RALGAPB: variants seen among roughly 807,000 people sequenced by gnomAD.
RALGAPB encodes the protein ral GTPase-activating protein subunit beta.
Under a neutral mutation model 161.1 loss-of-function variants are expected in RALGAPB, and 25 were observed. The ratio of observed to expected loss-of-function variants is 0.16; its 90% CI spans 0.11 to 0.22. The LOEUF (loss-of-function observed/expected upper bound fraction) is 0.22. Among genes scored for constraint, RALGAPB ranks in the 10% least tolerant of loss-of-function variants. The pLI, the probability that RALGAPB is intolerant of heterozygous loss-of-function variation, is 1.00. For synonymous variants in RALGAPB, 629 were observed against 626.1 expected (o/e 1.00, Z -0.07); for missense variants, 1,391 against 1,815.2 (o/e 0.77, Z 4.25).
At chr20:38,539,528 T>G (rs1249852625) in intron 16 of RALGAPB, among the ~76,000 whole-genome samples, 1 of 152,168 alleles carries the variant, frequency 6.6e-6, no homozygotes, top group East Asian at 1.9e-4. Context: ...CCCAATGGGT[T>G]TGGGTTTTAG....
intron 6 of RALGAPB, among the ~76,000 whole-genome samples, chr20:38,510,115 AACACACACACGCACATACACACAC>A (rs1424385845): frequency 7.2e-6 from 1 of 139,524 alleles, no homozygotes; most frequent in Non-Finnish European, 1.5e-5. Context: ...TATGTATATA[AACACACACACGCACATACACACAC>A]ACACACACAC....
At chr20:38,473,692 C>A (rs530780559) in intron 1 of RALGAPB, among the ~76,000 whole-genome samples, 3 of 152,266 alleles carry the variant, frequency 2.0e-5, no homozygotes, top group African/African-American at 7.2e-5. Context: ...AGCATCCGAC[C>A]CAAGTGCTTA....
At chr20:38,493,784 T>C (rs547952234) in intron 3 of RALGAPB, among the ~76,000 whole-genome samples, 1 of 152,320 alleles carries the variant, frequency 6.6e-6, no homozygotes. Context: ...AAAATCTGAA[T>C]TAAAAAAGAG....
chr20:38,525,970 T>C lies in RALGAPB; in HGVS notation c.1978T>C (p.Leu660=). 6.2e-7 allele frequency: 1 copy of C among 1,613,860 alleles called. No individual in the cohort carries two copies. Among genetic ancestry groups the C allele is most frequent in the East Asian group, 2.2e-5 (1 of 44,872 alleles). The change falls in exon 13 of 30, where the codon TTG becomes CTG. Residue 660 remains leucine (L), a synonymous_variant. Transcript: ENST00000262879. ...ACCAATAACTTTTCTGTCCCTGAAG[T>C]TGAGACTTGTGAATATATTAATAGG... The part of the protein sequence containing the change: ...DKPITFLSLK[L]RLVNILIGAL...
chr20:38,498,709 T>C (rs1333125276), intron 4 of RALGAPB, among the ~76,000 whole-genome samples: 1 of 152,232 alleles, frequency 6.6e-6, no homozygotes, highest in African/African-American at 2.4e-5. Context: ...CTTTGCCTTC[T>C]GGAGCTATGC....
chr20:38,510,236 G>A (rs982158054), intron 6 of RALGAPB, among the ~76,000 whole-genome samples: 6 of 151,862 alleles, frequency 4.0e-5, no homozygotes, highest in African/African-American at 1.5e-4. Context: ...CAAACTCCTG[G>A]ACTTAAGCAA....
chr20:38,531,973 C>T (rs1021868604), intron 14 of RALGAPB, among the ~76,000 whole-genome samples: 12 of 152,098 alleles, frequency 7.9e-5, no homozygotes, highest in African/African-American at 2.9e-4. Flanking sequence ...AAAACTAACC[C>T]TAGTATTGTT....
At chr20:38,500,978 C>A (rs1359718564) in intron 5 of RALGAPB, among the ~76,000 whole-genome samples, 2 of 152,048 alleles carry the variant, frequency 1.3e-5, no homozygotes. Flanking sequence ...TAGGAAGAGG[C>A]CGAGGTTGGT....
intron 2 of RALGAPB, among the ~76,000 whole-genome samples, chr20:38,491,760 T>A (rs1024057909): frequency 1.3e-5 from 2 of 152,222 alleles, no homozygotes; most frequent in African/African-American, 4.8e-5. Flanking sequence ...GATGGCTAGA[T>A]GATATTTATG....
chr20:38,480,381 CTTTCTTTTT>C (rs2084930617), intron 1 of RALGAPB, among the ~76,000 whole-genome samples: 1 of 92,114 alleles, frequency 1.1e-5, no homozygotes, highest in Admixed American at 1.4e-4. Context: ...TCTTTTCTTT[CTTTCTTTTT>C]TTTTTTTTTT....
At chr20:38,499,350 T>C in intron 4 of RALGAPB, 97 bp from the exon 5 acceptor site, 1 of 1,115,454 alleles carries the variant, frequency 9.0e-7, no homozygotes, top group Non-Finnish European at 1.3e-6. Flanking sequence ...ATATTGCACT[T>C]ATTTTAATTT....
intron 9 of RALGAPB, among the ~76,000 whole-genome samples, chr20:38,519,914 T>C (rs763555027): frequency 6.6e-6 from 1 of 152,234 alleles, no homozygotes; most frequent in Non-Finnish European, 1.5e-5. Context: ...GACAGTACAC[T>C]GTGCTTTGTA....
At chr20:38,559,150 C>T (rs1487267642) in intron 23 of RALGAPB, among the ~76,000 whole-genome samples, 1 of 152,110 alleles carries the variant, frequency 6.6e-6, no homozygotes, top group Non-Finnish European at 1.5e-5. Context: ...TTCAGATTCA[C>T]AAGACAAAAG....
chr20:38,556,122 CTTACTTTAAAAGAT>C (rs1281603932), intron 22 of RALGAPB, among the ~76,000 whole-genome samples: 2 of 152,116 alleles, frequency 1.3e-5, no homozygotes, highest in Non-Finnish European at 2.9e-5. Flanking sequence ...AGTGTAGGTT[CTTACTTTAAAAGAT>C]TCCTCTAATG....
intron 1 of RALGAPB, among the ~76,000 whole-genome samples, chr20:38,487,694 T>A (rs1299246913): frequency 6.6e-6 from 1 of 152,204 alleles, no homozygotes; most frequent in African/African-American, 2.4e-5. Flanking sequence ...TATGCAATTA[T>A]CTTGCAGGAA....
Position 38,576,854 on chromosome 20 carries a change from A to AG in RALGAPB, c.*1887_*1888insG, listed in dbSNP as rs920101954. 6.5e-6 allele frequency: 1 copy of AG among 152,678 alleles called. No homozygotes were observed. Among genetic ancestry groups the AG allele is most frequent in the Admixed American group, 6.5e-5 (1 of 15,284 alleles). The allele number at this position is 152,678 out of a possible 1,614,324, so 9.5% of individuals were successfully genotyped here. ...ACTTACAGCATTCCAGAGGTTAAAA[A>AG]TAACTGATGCAGATGTACTTCTTCA... On this transcript the variant is annotated 3_prime_UTR_variant, in exon 30 of 30. Coordinates refer to ENST00000262879, the MANE Select transcript of RALGAPB (RefSeq NM_020336.4).
intron 16 of RALGAPB, among the ~76,000 whole-genome samples, chr20:38,537,519 T>C (rs2086844147): frequency 6.6e-6 from 1 of 152,170 alleles, no homozygotes; most frequent in East Asian, 1.9e-4. Flanking sequence ...AGAAAATCTT[T>C]GTGACCTTGG....
chr20:38,523,902 A>G (rs895896198), intron 10 of RALGAPB, among the ~76,000 whole-genome samples: 27 of 152,210 alleles, frequency 1.8e-4, no homozygotes, highest in Non-Finnish European at 1.5e-5. Context: ...AGGCAGAATG[A>G]GTTAAGACTT....
At chr20:38,544,286 A>G (rs2087078828) in intron 18 of RALGAPB, among the ~76,000 whole-genome samples, 1 of 151,918 alleles carries the variant, frequency 6.6e-6, no homozygotes, top group Non-Finnish European at 1.5e-5. Context: ...TTGTCCAGGC[A>G]GTAGCAGTAT....
Sources: allele counts gnomAD v4.1 joint callset (sites outside exome capture counted in the v4.1 genomes callset), GRCh38; gene constraint gnomAD v4.1.1; transcripts MANE v1.5; gene names NCBI Gene and HGNC (gene_info 2026-07-23, HGNC 2026-07-21).